ATP10B: variants seen among roughly 807,000 people sequenced by gnomAD.
ATP10B encodes the protein phospholipid-transporting ATPase VB.
A neutral mutation model predicts 141.2 loss-of-function variants in ATP10B; 122 were observed. The observed-to-expected ratio is 0.86, with a 90% CI of 0.75 to 1.00. The LOEUF is 1.00. Ranked by LOEUF, ATP10B falls within the 50% of genes least tolerant of loss-of-function variation. ATP10B has a pLI of 0.00. For missense variants in ATP10B, 1,876 were observed against 1,825.3 expected (o/e 1.03, Z -0.51); for synonymous variants, 685 against 692.0 (o/e 0.99, Z 0.16).
chr5:160,779,505 G>A (rs1174185746), intron 2 of ATP10B, among the ~76,000 whole-genome samples: 1 of 152,176 alleles, frequency 6.6e-6, no homozygotes, highest in Admixed American at 6.5e-5. Context: ...TCTGGACAAT[G>A]GCCAGTGAGG....
rs576991262 is a variant in ATP10B, at chr5:160,677,163, T to A, written c.471-6496A>T. 3.3e-5 allele frequency among the ~76,000 whole-genome samples: 5 copies of A among 152,346 alleles called. No individual in the cohort carries two copies. The South Asian group carries it at 1.0e-3, about 32-fold the overall frequency. On this transcript the variant is annotated intron_variant, in intron 6 of 25. Transcript: ENST00000327245. ...TGCCTGATGACAAGAGTGCGGAGCA[T>A]CAGGGACACCTGAATTCTTGTTTTA...
chr5:160,626,966 A>G (rs960820852), intron 13 of ATP10B, among the ~76,000 whole-genome samples: 1 of 152,190 alleles, frequency 6.6e-6, no homozygotes, highest in African/African-American at 2.4e-5. Flanking sequence ...TGAGCTTTGA[A>G]GAAAATCCTT....
At chr5:160,748,019 G>A (rs1055516066) in intron 2 of ATP10B, among the ~76,000 whole-genome samples, 3 of 147,830 alleles carry the variant, frequency 2.0e-5, no homozygotes, top group African/African-American at 7.5e-5. Flanking sequence ...AAAAAAAAGC[G>A]GCCGGGGTTG....
intron 2 of ATP10B, among the ~76,000 whole-genome samples, chr5:160,768,850 C>T (rs1177700539): frequency 6.6e-6 from 1 of 152,172 alleles, no homozygotes; most frequent in Non-Finnish European, 1.5e-5. Flanking sequence ...ATGCTGAGAA[C>T]ACACAGTATG....
chr5:160,796,394 G>A (rs995048850), intron 1 of ATP10B, among the ~76,000 whole-genome samples: 1 of 152,232 alleles, frequency 6.6e-6, no homozygotes, highest in African/African-American at 2.4e-5. Context: ...GATAATAGTA[G>A]TAGGAAGGGT....
chr5:160,750,365 C>T (rs1768071679), intron 2 of ATP10B, among the ~76,000 whole-genome samples: 2 of 152,274 alleles, frequency 1.3e-5, no homozygotes, highest in South Asian at 4.2e-4. Flanking sequence ...AGCAAATAGC[C>T]CCAGCCCGCT....
chr5:160,663,487 T>C (rs1189654523), intron 7 of ATP10B, among the ~76,000 whole-genome samples: 14 of 152,182 alleles, frequency 9.2e-5, no homozygotes, highest in Non-Finnish European at 1.8e-4. Flanking sequence ...ATGTCATTTG[T>C]AGGGACATGG....
intron 2 of ATP10B, among the ~76,000 whole-genome samples, chr5:160,782,573 C>T (rs1770795651): frequency 6.6e-6 from 1 of 151,902 alleles, no homozygotes; most frequent in Non-Finnish European, 1.5e-5. Flanking sequence ...TGGTTCTTCC[C>T]TCCCATACCT....
chr5:160,593,940 T>C (rs1471374557), intron 22 of ATP10B, among the ~76,000 whole-genome samples: 1 of 152,158 alleles, frequency 6.6e-6, no homozygotes, highest in Non-Finnish European at 1.5e-5. Context: ...GGAGAAAGAA[T>C]GGAACTAAGC....
At chr5:160,650,016 C>T (rs898876825) in intron 7 of ATP10B, among the ~76,000 whole-genome samples, 1 of 151,202 alleles carries the variant, frequency 6.6e-6, no homozygotes, top group African/African-American at 2.4e-5. Flanking sequence ...GGCTGAGGCA[C>T]GAAAATCACT....
chr5:160,693,284 T>C (rs75082305), intron 3 of ATP10B, among the ~76,000 whole-genome samples: 3,020 of 152,178 alleles, frequency 0.02, 108 homozygotes, highest in African/African-American at 0.068. Flanking sequence ...ATTTTAACAA[T>C]CTCAAATTTC....
chr5:160,664,506 G>A (rs553734194), intron 7 of ATP10B, among the ~76,000 whole-genome samples: 2 of 152,306 alleles, frequency 1.3e-5, no homozygotes, highest in Non-Finnish European at 2.9e-5. Flanking sequence ...TTTAACCTGA[G>A]CAACAAACAG....
the ATP10B span, among the ~76,000 whole-genome samples, chr5:160,918,403 G>T: frequency 1.3e-5 from 2 of 152,228 alleles, no homozygotes; most frequent in Admixed American, 1.3e-4. Context: ...ATTTATCTGA[G>T]CTCTGAAGGG....
chr5:160,926,989 G>A, the ATP10B span, among the ~76,000 whole-genome samples: 1 of 152,200 alleles, frequency 6.6e-6, no homozygotes, highest in African/African-American at 2.4e-5. Flanking sequence ...GCTTTGCAAA[G>A]GGCTCACATT....
chr5:160,844,666 A>G (rs996610587), intron 1 of ATP10B, among the ~76,000 whole-genome samples: 1 of 151,786 alleles, frequency 6.6e-6, no homozygotes, highest in Non-Finnish European at 1.5e-5. Context: ...CTGCCTCAGC[A>G]TCCTGAGTAG....
At chr5:160,925,295 T>TAGC in the ATP10B span, among the ~76,000 whole-genome samples, 170 of 152,320 alleles carry the variant, frequency 1.1e-3, no homozygotes, top group African/African-American at 3.9e-3. Context: ...GAGGGAAAAG[T>TAGC]AGCAGCAGCA....
the ATP10B span, among the ~76,000 whole-genome samples, chr5:160,881,797 C>G: frequency 6.6e-6 from 1 of 151,292 alleles, no homozygotes; most frequent in Non-Finnish European, 1.5e-5. Context: ...GGTGACAGAG[C>G]AAGACTCCAT....
the ATP10B span, among the ~76,000 whole-genome samples, chr5:160,884,909 G>T: frequency 1.3e-5 from 2 of 152,144 alleles, no homozygotes; most frequent in African/African-American, 4.8e-5. Flanking sequence ...GTTATATTCT[G>T]TCCACAAATT....
chr5:160,629,732 AT>A (rs1758814538), intron 13 of ATP10B, among the ~76,000 whole-genome samples: 1 of 152,200 alleles, frequency 6.6e-6, no homozygotes, highest in South Asian at 2.1e-4. Flanking sequence ...AATTGTCTTC[AT>A]TTTAACAATG....
Sources: allele counts gnomAD v4.1 joint callset (sites outside exome capture counted in the v4.1 genomes callset), GRCh38; gene constraint gnomAD v4.1.1; transcripts MANE v1.5; gene names NCBI Gene and HGNC (gene_info 2026-07-23, HGNC 2026-07-21).